COG5: variants seen among roughly 807,000 people sequenced by gnomAD.
The protein encoded by COG5 is component of oligomeric golgi complex 5.
A neutral mutation model predicts 110.4 loss-of-function variants in COG5; 86 were observed. That is an observed-to-expected ratio of 0.78 (90% CI 0.65 to 0.93). COG5 has a LOEUF of 0.93. Ranked by LOEUF, COG5 falls within the 40% of genes least tolerant of loss-of-function variation. The pLI is 0.00. For missense variants in COG5, 1,077 were observed against 987.0 expected (o/e 1.09, Z -1.22); for synonymous variants, 360 against 334.6 (o/e 1.08, Z -0.83).
At chr7:107,486,108 T>C (rs965305966) in intron 6 of COG5, among the ~76,000 whole-genome samples, 5 of 151,942 alleles carry the variant, frequency 3.3e-5, no homozygotes, top group Admixed American at 3.3e-4. Flanking sequence ...GAAAAATAGG[T>C]TATATTCGTG....
In COG5 at chr7:107,427,200, G is replaced by GTGGA. The variant is rs540713559; in HGVS notation, c.539-14572_539-14569dup. On this transcript the variant is annotated intron_variant, in intron 6 of 21. Transcript: ENST00000297135. ...GACCACACTGGAGTCCAGCTGAAGA[G>GTGGA]TGGAGGTCATGAGGTAAGGAAAATA... Among the ~76,000 whole-genome samples the GTGGA allele has an allele frequency of 9.2e-4, 140 of 152,282 alleles. 1 individual carries two copies. Among genetic ancestry groups the GTGGA allele is most frequent in the Admixed American group, 1.8e-3 (27 of 15,298 alleles).
intron 19 of COG5, among the ~76,000 whole-genome samples, chr7:107,219,024 G>A (rs1439896520): frequency 6.6e-6 from 1 of 151,996 alleles, no homozygotes; most frequent in Non-Finnish European, 1.5e-5. Context: ...ATTTAAAAAT[G>A]TGCAAAAAAC....
intron 5 of COG5, among the ~76,000 whole-genome samples, chr7:107,535,279 C>G (rs1801503616): frequency 6.6e-6 from 1 of 151,424 alleles, no homozygotes; most frequent in African/African-American, 2.5e-5. Context: ...CAAGAGCAAA[C>G]AAATGCAAAA....
chr7:107,266,088 G>A (rs956664635), intron 14 of COG5, among the ~76,000 whole-genome samples: 3 of 151,868 alleles, frequency 2.0e-5, no homozygotes, highest in South Asian at 2.1e-4. Context: ...ACACACACAC[G>A]TGTGTGTGAG....
chr7:107,268,183 G>A (rs1008892994), intron 14 of COG5, among the ~76,000 whole-genome samples: 2 of 152,052 alleles, frequency 1.3e-5, no homozygotes, highest in Admixed American at 6.5e-5. Flanking sequence ...GGTCAGGCTG[G>A]TCTCAAACTC....
intron 14 of COG5, among the ~76,000 whole-genome samples, chr7:107,273,437 C>T (rs905698251): frequency 6.6e-6 from 1 of 152,100 alleles, no homozygotes; most frequent in African/African-American, 2.4e-5. Context: ...TTTTTAAGCA[C>T]ACATGAAGGA....
chr7:107,258,362 T>C lies in COG5; in HGVS notation c.1597A>G (p.Ser533Gly), dbSNP rs775375718. The C allele has an allele frequency of 3.1e-6, 5 of 1,608,804 alleles. No homozygotes were observed. In the South Asian group the frequency reaches 3.3e-5, roughly 11 times the overall value. ...TCAGTAAGAGGCCCAATCACCTGACTTGCATCTCCTTGTGTGGAGAGCTGT... is the reference window on the plus strand; with the variant it reads ...TCAGTAAGAGGCCCAATCACCTGACCTGCATCTCCTTGTGTGGAGAGCTGT... ...EQLLSTQGDASQVIGPLTEGQ... is the reference protein window; with the variant it reads ...EQLLSTQGDAGQVIGPLTEGQ... The change falls in exon 15 of 22, where the codon AGT becomes GGT. Residue 533 changes from serine (S) to glycine (G), a missense_variant. Coordinates refer to ENST00000297135, the MANE Select transcript of COG5 (RefSeq NM_006348.5).
At chr7:107,269,432 G>A (rs991705660) in intron 14 of COG5, among the ~76,000 whole-genome samples, 3 of 149,460 alleles carry the variant, frequency 2.0e-5, no homozygotes, top group African/African-American at 7.4e-5. Flanking sequence ...CCGAGATCGT[G>A]CCACTGCACT....
At position 107,346,181 on chromosome 7, in the gene COG5, C is replaced by T. The variant is rs186168405; in HGVS notation, c.1026+15852G>A. On this transcript the variant is annotated intron_variant, in intron 10 of 21. Coordinates refer to ENST00000297135, the MANE Select transcript of COG5 (RefSeq NM_006348.5). The stretch of plus-strand genomic sequence containing the variant: ...TTCCATTTTCTACAGTTTCTAAATA[C>T]ATTTTTATACATCAAGAACAAACAT... Among the ~76,000 whole-genome samples, 301 of 152,292 alleles carry T rather than the reference C, an allele frequency of 2.0e-3. 2 individuals are homozygous for T. The highest frequency in any genetic ancestry group is 6.8e-3 in the African/African-American group (284 of 41,564).
chr7:107,316,537 G>T (rs906392800), intron 11 of COG5, among the ~76,000 whole-genome samples: 2 of 152,016 alleles, frequency 1.3e-5, no homozygotes, highest in African/African-American at 4.8e-5. Context: ...AAGCAGGCAG[G>T]GCGTGGTGGC....
intron 6 of COG5, among the ~76,000 whole-genome samples, chr7:107,506,057 G>T (rs947668999): frequency 1.3e-5 from 2 of 152,206 alleles, no homozygotes; most frequent in Non-Finnish European, 2.9e-5. Flanking sequence ...AATGATGGTT[G>T]TAGTAGTAAT....
At chr7:107,433,625 C>G (rs200200597) in intron 6 of COG5, among the ~76,000 whole-genome samples, 1 of 152,020 alleles carries the variant, frequency 6.6e-6, no homozygotes, top group Non-Finnish European at 1.5e-5. Flanking sequence ...TATCCATATG[C>G]CAAACAATAA....
chr7:107,294,724 T>C (rs956828243), intron 12 of COG5, among the ~76,000 whole-genome samples: 8 of 145,186 alleles, frequency 5.5e-5, no homozygotes, highest in African/African-American at 2.1e-4. Flanking sequence ...TTTTTTTTTT[T>C]TTTTTTTTTG....
intron 6 of COG5, among the ~76,000 whole-genome samples, chr7:107,481,543 T>C (rs1468527379): frequency 1.3e-5 from 2 of 152,116 alleles, no homozygotes; most frequent in Non-Finnish European, 2.9e-5. Context: ...CCATACGTCA[T>C]ATACTATAAA....
At chr7:107,493,701 A>C (rs1311120469) in intron 6 of COG5, among the ~76,000 whole-genome samples, 1 of 152,184 alleles carries the variant, frequency 6.6e-6, no homozygotes, top group Non-Finnish European at 1.5e-5. Flanking sequence ...TTGTCATAGA[A>C]ACAAGACCGA....
intron 6 of COG5, among the ~76,000 whole-genome samples, chr7:107,519,610 C>A (rs1800182309): frequency 6.6e-6 from 1 of 152,128 alleles, no homozygotes. Flanking sequence ...AGTCAAATCT[C>A]TGAATAGACT....
chr7:107,466,319 T>C (rs1326987134), intron 6 of COG5, among the ~76,000 whole-genome samples: 2 of 151,996 alleles, frequency 1.3e-5, no homozygotes, highest in Non-Finnish European at 2.9e-5. Context: ...GGATCCAAAG[T>C]GTAGGTATGG....
intron 19 of COG5, among the ~76,000 whole-genome samples, chr7:107,212,398 G>T (rs1003570065): frequency 1.3e-5 from 2 of 152,214 alleles, no homozygotes; most frequent in Non-Finnish European, 2.9e-5. Context: ...TTGAAAATCT[G>T]CAAGGTCCAA....
chr7:107,529,024 TAA>T (rs58281094), intron 5 of COG5, among the ~76,000 whole-genome samples: 41 of 97,818 alleles, frequency 4.2e-4, no homozygotes, highest in Non-Finnish European at 7.4e-4. Context: ...AATACTTAAA[TAA>T]AAAAAAAAAA....
Sources: gnomAD v4.1 joint callset for allele counts (sites outside exome capture counted in the v4.1 genomes callset) on GRCh38, gnomAD v4.1.1 for gene constraint, MANE v1.5 for transcripts, NCBI Gene and HGNC (gene_info 2026-07-23, HGNC 2026-07-21) for gene names.